GABRA2: variants seen among roughly 807,000 people sequenced by gnomAD.
GABRA2 encodes gamma-aminobutyric acid type A receptor subunit alpha2, also known as gamma-aminobutyric acid receptor subunit alpha-2.
GABRA2 carries 16 observed loss-of-function variants against 48.7 expected under a neutral mutation model. The observed-to-expected ratio is 0.33, with a 90% CI of 0.22 to 0.50. The LOEUF (loss-of-function observed/expected upper bound fraction) is 0.50, where lower values mean the gene tolerates loss of function less well. Ranked by LOEUF, GABRA2 falls within the 20% of genes least tolerant of loss-of-function variation. The pLI, the probability that GABRA2 is intolerant of heterozygous loss-of-function variation, is 0.98. For synonymous variants in GABRA2, 185 were observed against 184.5 expected (o/e 1.00, Z -0.02); for missense variants, 275 against 535.6 (o/e 0.51, Z 4.80).
At chr4:46,278,944 A>G (rs926305318) in intron 8 of GABRA2, among the ~76,000 whole-genome samples, 3 of 151,894 alleles carry the variant, frequency 2.0e-5, no homozygotes, top group Non-Finnish European at 4.4e-5. Flanking sequence ...AGGCAGATAT[A>G]TTGATAACAT....
At chr4:46,298,317 G>A (rs12648978) in intron 8 of GABRA2, among the ~76,000 whole-genome samples, 76,668 of 151,600 alleles carry the variant, frequency 0.51, 20,625 homozygotes, top group African/African-American at 0.69. Context: ...CTTTTTATTA[G>A]TGTTCTTTGT....
At chr4:46,317,171 C>A (rs1728688945) in intron 4 of GABRA2, among the ~76,000 whole-genome samples, 2 of 151,816 alleles carry the variant, frequency 1.3e-5, no homozygotes, top group South Asian at 4.1e-4. Context: ...TTGAGGTCAT[C>A]TGAAATTTCA....
chr4:46,336,048 G>A (rs549960938), intron 3 of GABRA2, among the ~76,000 whole-genome samples: 17 of 152,090 alleles, frequency 1.1e-4, no homozygotes, highest in Non-Finnish European at 2.1e-4. Flanking sequence ...TGTTTGGTCT[G>A]TCTCCCCATC....
chr4:46,269,137 G>A (rs1050215758), intron 8 of GABRA2, among the ~76,000 whole-genome samples: 1 of 151,814 alleles, frequency 6.6e-6, no homozygotes, highest in African/African-American at 2.4e-5. Context: ...GCAGAGTATG[G>A]TAAATATAGC....
intron 3 of GABRA2, among the ~76,000 whole-genome samples, chr4:46,352,875 T>G (rs1477345335): frequency 6.6e-6 from 1 of 151,930 alleles, no homozygotes; most frequent in Non-Finnish European, 1.5e-5. Flanking sequence ...AGGACCAGAG[T>G]AAGTTTAACC....
intron 4 of GABRA2, among the ~76,000 whole-genome samples, chr4:46,318,349 T>C (rs1016492708): frequency 1.3e-5 from 2 of 151,304 alleles, no homozygotes; most frequent in Non-Finnish European, 3.0e-5. Flanking sequence ...TATAGATACA[T>C]AAACAAATAT....
At chr4:46,354,157 C>T (rs1204330756) in intron 3 of GABRA2, among the ~76,000 whole-genome samples, 1 of 152,128 alleles carries the variant, frequency 6.6e-6, no homozygotes, top group Admixed American at 6.6e-5. Flanking sequence ...CTCCTCTTGG[C>T]AAATGCAGAA....
intron 4 of GABRA2, among the ~76,000 whole-genome samples, chr4:46,326,252 C>G (rs1730351135): frequency 6.6e-6 from 1 of 151,926 alleles, no homozygotes; most frequent in Non-Finnish European, 1.5e-5. Context: ...CTACAACCCT[C>G]CTTCCCCAAG....
intron 3 of GABRA2, among the ~76,000 whole-genome samples, chr4:46,356,193 T>C (rs561276113): frequency 8.5e-5 from 13 of 152,210 alleles, no homozygotes; most frequent in Non-Finnish European, 1.9e-4. Flanking sequence ...TTAATAATGC[T>C]GGACATCTCG....
At chr4:46,342,893 C>T (rs1055442229) in intron 3 of GABRA2, among the ~76,000 whole-genome samples, 1 of 151,966 alleles carries the variant, frequency 6.6e-6, no homozygotes, top group African/African-American at 2.4e-5. Flanking sequence ...GAACTCCTGG[C>T]TTCAAGTAAT....
intron 9 of GABRA2, among the ~76,000 whole-genome samples, chr4:46,255,379 C>T (rs1315311726): frequency 1.3e-5 from 2 of 151,502 alleles, no homozygotes; most frequent in African/African-American, 4.8e-5. Context: ...TTATGTAAGT[C>T]TCCTGAATGT....
chr4:46,260,160 C>A (rs1314112720), intron 9 of GABRA2, among the ~76,000 whole-genome samples: 1 of 151,782 alleles, frequency 6.6e-6, no homozygotes, highest in African/African-American at 2.4e-5. Flanking sequence ...TGCTAAGGAC[C>A]AGGCACTGTG....
intron 3 of GABRA2, among the ~76,000 whole-genome samples, chr4:46,378,927 T>C (rs1716373149): frequency 6.6e-6 from 1 of 152,158 alleles, no homozygotes. Flanking sequence ...AAAGTGCTTC[T>C]ATCTAATATA....
chr4:46,316,557 A>T (rs1476014684), intron 4 of GABRA2, among the ~76,000 whole-genome samples: 4 of 151,990 alleles, frequency 2.6e-5, no homozygotes, highest in Non-Finnish European at 5.9e-5. Flanking sequence ...ATAACAAGAT[A>T]TTTTTAAATT....
At chr4:46,343,743 A>G (rs1399332194) in intron 3 of GABRA2, among the ~76,000 whole-genome samples, 1 of 152,030 alleles carries the variant, frequency 6.6e-6, no homozygotes, top group Non-Finnish European at 1.5e-5. Context: ...CTTGTTATAA[A>G]GATTAAATGA....
In GABRA2 at chr4:46,245,595, G is replaced by A. The variant is rs1326792153; in HGVS notation, c.*4713C>T. ...CAAGTTAATTGCTAGTTTAATAAGAGCTGAATTTGTGATAAGATCCATTAA... is the reference window on the plus strand; with the variant it reads ...CAAGTTAATTGCTAGTTTAATAAGAACTGAATTTGTGATAAGATCCATTAA... On this transcript the variant is annotated 3_prime_UTR_variant, in exon 10 of 10. Coordinates refer to ENST00000381620, the MANE Select transcript of GABRA2 (RefSeq NM_000807.4). Among the ~76,000 whole-genome samples the A allele has an allele frequency of 6.6e-6, 1 of 151,226 alleles. No individual in the cohort carries two copies. Among genetic ancestry groups the A allele is most frequent in the East Asian group, 2.0e-4 (1 of 5,126 alleles).
chr4:46,308,341 G>T (rs1244996467), intron 6 of GABRA2, among the ~76,000 whole-genome samples: 3 of 152,158 alleles, frequency 2.0e-5, no homozygotes, highest in Non-Finnish European at 2.9e-5. Context: ...TTTGATTGAG[G>T]ACACTGACGA....
At chr4:46,373,509 C>A (rs1715248442) in intron 3 of GABRA2, among the ~76,000 whole-genome samples, 2 of 152,062 alleles carry the variant, frequency 1.3e-5, no homozygotes, top group African/African-American at 4.8e-5. Context: ...GACATTTAAT[C>A]TATTTTAAAT....
At chr4:46,293,583 C>G (rs910268379) in intron 8 of GABRA2, among the ~76,000 whole-genome samples, 2 of 152,154 alleles carry the variant, frequency 1.3e-5, no homozygotes, top group Admixed American at 6.5e-5. Context: ...TGGACTCATC[C>G]TGTGGTCATT....
Sources: gnomAD v4.1 joint callset for allele counts (sites outside exome capture counted in the v4.1 genomes callset) on GRCh38, gnomAD v4.1.1 for gene constraint, MANE v1.5 for transcripts, NCBI Gene and HGNC (gene_info 2026-07-23, HGNC 2026-07-21) for gene names.